MLPH: variants seen among roughly 807,000 people sequenced by gnomAD.
The protein encoded by MLPH is melanophilin.
In MLPH, 51 loss-of-function variants were observed where a neutral mutation model predicts 72.1. The ratio of observed to expected loss-of-function variants is 0.71; its 90% CI spans 0.56 to 0.89. MLPH has a LOEUF of 0.89. MLPH is among the 40% of genes least tolerant of loss of function. The pLI, the probability that MLPH is intolerant of heterozygous loss-of-function variation, is 0.00. For missense variants in MLPH, 743 were observed against 759.9 expected, an observed-to-expected ratio of 0.98 and a Z score of 0.26; for synonymous variants, 301 against 310.1, an observed-to-expected ratio of 0.97 and a Z score of 0.31.
chr2:237,519,515 C>T (rs2080129370), intron 5 of MLPH, among the ~76,000 whole-genome samples: 1 of 152,232 alleles, frequency 6.6e-6, no homozygotes, highest in South Asian at 2.1e-4. Flanking sequence ...AGCTTGCCCA[C>T]CTCTGTCTCA....
chr2:237,491,330 C>T (rs769388264), intron 1 of MLPH, among the ~76,000 whole-genome samples: 7 of 152,302 alleles, frequency 4.6e-5, no homozygotes, highest in African/African-American at 7.2e-5. Flanking sequence ...ATTGAAATTA[C>T]GAGGTGGTTT....
intron 9 of MLPH, among the ~76,000 whole-genome samples, chr2:237,535,746 C>T (rs2080517738): frequency 6.6e-6 from 1 of 152,216 alleles, no homozygotes; most frequent in African/African-American, 2.4e-5. Flanking sequence ...TTTAAAGTTT[C>T]ACTTATATAG....
At chr2:237,519,318 G>A (rs1017889405) in intron 5 of MLPH, among the ~76,000 whole-genome samples, 1 of 152,046 alleles carries the variant, frequency 6.6e-6, no homozygotes, top group Non-Finnish European at 1.5e-5. Context: ...TGCTGTGAGG[G>A]GAACGTCATC....
rs1279593150 is a variant in MLPH, at chr2:237,545,609, G to C, written c.1540-997G>C. ...CGTGAAGATGGATGTGACTAGAACGGAGGGCGCGGGAGGCTCACATCAGAG... is the reference window on the plus strand; with the variant it reads ...CGTGAAGATGGATGTGACTAGAACGCAGGGCGCGGGAGGCTCACATCAGAG... On this transcript the variant is annotated intron_variant, in intron 12 of 15. Coordinates refer to ENST00000264605, the MANE Select transcript of MLPH (RefSeq NM_024101.7). 3 of 1,286,514 alleles carry C rather than the reference G, an allele frequency of 2.3e-6. No homozygotes were observed. In the African/African-American group the frequency reaches 4.6e-5, roughly 20 times the overall value. The allele number at this position is 1,286,514 out of a possible 1,614,324, so 79.7% of individuals were successfully genotyped here. A position where few individuals can be genotyped will look rare whatever the true frequency, so the allele number is the denominator to read the frequency against.
intron 6 of MLPH, among the ~76,000 whole-genome samples, chr2:237,523,791 C>T (rs1164510391): frequency 2.0e-5 from 3 of 152,010 alleles, no homozygotes; most frequent in African/African-American, 4.8e-5. Flanking sequence ...ATCAGGAGAA[C>T]GAGGCCATAG....
At position 237,512,111 on chromosome 2, in the gene MLPH, C is replaced by T. The variant is rs1347119756; in HGVS notation, c.445+1010C>T. Among the ~76,000 whole-genome samples, 3 of 152,198 alleles carry T rather than the reference C, an allele frequency of 2.0e-5. No individual in the cohort carries two copies. Among genetic ancestry groups the T allele is most frequent in the African/African-American group, 7.2e-5 (3 of 41,450 alleles). On this transcript the variant is annotated intron_variant, in intron 4 of 15. Coordinates refer to ENST00000264605, the MANE Select transcript of MLPH (RefSeq NM_024101.7). This position sits in a 1 kb window ranked among gnomAD's most constrained non-coding sequence, Gnocchi z 5.5. ...AGGGCCACGAGGCAGCGCCTGGCTC[C>T]GGCAGCTGGGCACGTCCAGGGCAGA...
At chr2:237,490,197 C>A (rs1157262133) in intron 1 of MLPH, among the ~76,000 whole-genome samples, 1 of 152,178 alleles carries the variant, frequency 6.6e-6, no homozygotes, top group Non-Finnish European at 1.5e-5. Context: ...AGGCACAGAG[C>A]AGCCCTGCAC....
chr2:237,511,537 A>T (rs1184994286), intron 4 of MLPH: 1 of 186,598 alleles, frequency 5.4e-6, no homozygotes, highest in Admixed American at 5.4e-5. Context: ...CAAATCTTCA[A>T]AGTAAGTTGA....
chr2:237,525,379 G>A (rs372932685), intron 6 of MLPH, among the ~76,000 whole-genome samples: 3 of 152,210 alleles, frequency 2.0e-5, no homozygotes, highest in East Asian at 3.9e-4. Context: ...ACAGACACAT[G>A]CAATAGGCAG....
chr2:237,503,517 G>A (rs1205806875), intron 2 of MLPH, among the ~76,000 whole-genome samples: 2 of 152,088 alleles, frequency 1.3e-5, no homozygotes, highest in South Asian at 2.1e-4. Flanking sequence ...CAATGCTGCC[G>A]TCTTTCCGTC....
rs1242812118 is a variant in MLPH, at chr2:237,507,051, CT to C, written c.111-3513del. ...GGAGTTGGTAGTTTTTTTCCTTTTTCTTTTTTTTTTCTTTTTTTTTTTTTTT... is the reference window on the plus strand; with the variant it reads ...GGAGTTGGTAGTTTTTTTCCTTTTTCTTTTTTTTTCTTTTTTTTTTTTTTT... On this transcript the variant is annotated intron_variant, in intron 2 of 15. Coordinates refer to ENST00000264605, the MANE Select transcript of MLPH (RefSeq NM_024101.7). Among the ~76,000 whole-genome samples, 383 of 119,338 alleles carry C rather than the reference CT, an allele frequency of 3.2e-3. 3 individuals are homozygous for C. Among genetic ancestry groups the C allele is most frequent in the African/African-American group, 0.011 (352 of 31,474 alleles). The allele number at this position is 119,338 out of a possible 152,430, so 78.3% of individuals were successfully genotyped here.
At chr2:237,506,173 A>ATATT in intron 2 of MLPH, among the ~76,000 whole-genome samples, 1 of 152,360 alleles carries the variant, frequency 6.6e-6, no homozygotes, top group South Asian at 2.1e-4. Flanking sequence ...ATATCTATTA[A>ATATT]TATTTACCAC....
At position 237,512,692 on chromosome 2, in the gene MLPH, C is replaced by G. The variant is rs916458123; in HGVS notation, c.445+1591C>G. 7.9e-5 allele frequency among the ~76,000 whole-genome samples: 12 copies of G among 152,088 alleles called. No individual in the cohort carries two copies. Among genetic ancestry groups the G allele is most frequent in the African/African-American group, 2.9e-4 (12 of 41,408 alleles). ...CAGCCAGTGGAGCTTGGTCCAGCCT[C>G]CAGTCCACCCCTAACAGGCTTAAGG... On this transcript the variant is annotated intron_variant, in intron 4 of 15. Coordinates refer to ENST00000264605, the MANE Select transcript of MLPH (RefSeq NM_024101.7). This position sits in a 1 kb window ranked among gnomAD's most constrained non-coding sequence, Gnocchi z 5.5.
chr2:237,497,231 T>C (rs2079553792), intron 2 of MLPH, among the ~76,000 whole-genome samples: 1 of 152,138 alleles, frequency 6.6e-6, no homozygotes, highest in Admixed American at 6.5e-5. Context: ...GCCAATCACC[T>C]CCTGCCGTGC....
Position 237,540,377 on chromosome 2 carries a change from CGA to C in MLPH, c.1135_1136del (p.Asp379CysfsTer19), listed in dbSNP as rs2080645436. On this transcript the variant is annotated frameshift_variant, in exon 10 of 16. Coordinates refer to ENST00000264605, the MANE Select transcript of MLPH (RefSeq NM_024101.7). LOFTEE classifies it high-confidence loss of function. ...TAGGTGCTGGAGTGCGCACGGAGGC[CGA>C]TGTAGAGGAGGAGGCCCTGAGGAGG... ...GLGAGVRTEA[D>X]VEEEALRRKL... is the part of the protein sequence containing the mutation. 4 of 1,613,568 alleles carry C rather than the reference CGA, an allele frequency of 2.5e-6. No homozygotes were observed. The highest frequency in any genetic ancestry group is 8.5e-7 in the Non-Finnish European group (1 of 1,180,030).
chr2:237,529,199 C>T (rs112810114), intron 8 of MLPH, among the ~76,000 whole-genome samples: 24,301 of 151,922 alleles, frequency 0.16, 2,141 homozygotes, highest in African/African-American at 0.21. Flanking sequence ...CCCACCACCA[C>T]GCCCGGCTAA....
rs1473414273 is a variant in MLPH at position 237,501,680 on chromosome 2, AAAAAAAAAATAC to A, written c.110+8152_110+8163del. ...CGTCTCTACTAAAAAAAAAAAAAAA[AAAAAAAAAATAC>A]AAAAAAATTAGCCAGGCATGGTGGC... On this transcript the variant is annotated intron_variant, in intron 2 of 15. Coordinates refer to ENST00000264605, the MANE Select transcript of MLPH (RefSeq NM_024101.7). Among the ~76,000 whole-genome samples, 59 of 137,084 alleles carry A rather than the reference AAAAAAAAAATAC, an allele frequency of 4.3e-4. No homozygotes were observed. The South Asian group carries it at 6.9e-3, about 16-fold the overall frequency. The allele number at this position is 137,084 out of a possible 152,430, so 89.9% of individuals were successfully genotyped here.
At chr2:237,543,480 C>T (rs1194424770) in intron 12 of MLPH, among the ~76,000 whole-genome samples, 5 of 14,176 alleles carry the variant, frequency 3.5e-4, no homozygotes, top group Non-Finnish European at 5.9e-4. Flanking sequence ...AGTGGGGGCA[C>T]GGTAGTGACT....
At chr2:237,502,134 T>C (rs1406845693) in intron 2 of MLPH, among the ~76,000 whole-genome samples, 1 of 152,248 alleles carries the variant, frequency 6.6e-6, no homozygotes, top group Non-Finnish European at 1.5e-5. Context: ...GTGAGTTCCA[T>C]AGAAGTGGTC....
Sources: gnomAD v4.1 joint callset for allele counts (sites outside exome capture counted in the v4.1 genomes callset) on GRCh38, gnomAD v4.1.1 for gene constraint, Gnocchi (gnomAD v3.1) non-coding constraint, MANE v1.5 for transcripts, NCBI Gene and HGNC (gene_info 2026-07-23, HGNC 2026-07-21) for gene names.